MMRN1: variants seen among roughly 807,000 people sequenced by gnomAD.
MMRN1 encodes the protein multimerin-1.
In MMRN1, 94 loss-of-function variants were observed where a neutral mutation model predicts 100.7. The ratio of observed to expected loss-of-function variants is 0.93; its 90% CI spans 0.79 to 1.11. MMRN1 has a LOEUF of 1.11. MMRN1 is among the 50% of genes least tolerant of loss of function. The pLI is 0.00. For synonymous variants in MMRN1, 575 were observed against 505.0 expected (o/e 1.14, Z -1.86); for missense variants, 1,606 against 1,439.1 (o/e 1.12, Z -1.88).
chr4:89,923,164 C>G lies in MMRN1; in HGVS notation c.851-4C>G. The G allele has an allele frequency of 6.2e-7, 1 of 1,612,700 alleles. No homozygotes were observed. Among genetic ancestry groups the G allele is most frequent in the Non-Finnish European group, 8.5e-7 (1 of 1,178,866 alleles). ...GTCTCTCTTCTCTTTCTGCTTCCTT[C>G]TAGCCCAGGAACAGCAAAGTTTGAT... On this transcript the variant is annotated splice_region_variant and splice_polypyrimidine_tract_variant and intron_variant, in intron 3 of 7. Transcript: ENST00000264790.
intron 6 of MMRN1, among the ~76,000 whole-genome samples, chr4:89,945,319 GT>G (rs1722955297): frequency 1.3e-5 from 2 of 152,068 alleles, no homozygotes; most frequent in South Asian, 4.1e-4. Context: ...TCACATACAG[GT>G]TTTTGTATGA....
intron 6 of MMRN1, among the ~76,000 whole-genome samples, chr4:89,946,590 G>A (rs1433773240): frequency 1.1e-4 from 16 of 152,134 alleles, no homozygotes; most frequent in Non-Finnish European, 1.5e-5. Flanking sequence ...GGAAAGTTGA[G>A]TGAATAGAGC....
At chr4:89,891,975 T>A (rs1721065492), upstream of MMRN1, among the ~76,000 whole-genome samples, 1 of 151,786 alleles carries the variant, frequency 6.6e-6, no homozygotes, top group Non-Finnish European at 1.5e-5. Context: ...AACTCCTCAA[T>A]CTAAGATTCT....
chr4:89,934,823 A>T lies in MMRN1; in HGVS notation c.1143A>T (p.Lys381Asn). The change falls in exon 6 of 8, where the codon AAA (lysine) becomes AAT (asparagine). Residue 381 changes from lysine (K) to asparagine (N), a missense_variant. By Grantham distance (94) the Lys-to-Asn change is moderately conservative (BLOSUM62 0). Transcript: ENST00000264790. ...FQSLLKGLKS[K>N]SINVLIRDIV... The stretch of plus-strand genomic sequence containing the variant: ...TTCTTTCTCTAGGTCTAAAATCCAA[A>T]AGCATTAATGTACTGATAAGAGACA... 1.4e-6 allele frequency: 2 copies of T among 1,480,906 alleles called. No homozygotes were observed. The highest frequency in any genetic ancestry group is 1.8e-6 in the Non-Finnish European group (2 of 1,110,500). The allele number at this position is 1,480,906 out of a possible 1,614,324, so 91.7% of individuals were successfully genotyped here.
intron 6 of MMRN1, among the ~76,000 whole-genome samples, chr4:89,951,186 T>A (rs1723160424): frequency 6.6e-6 from 1 of 152,182 alleles, no homozygotes; most frequent in South Asian, 2.1e-4. Flanking sequence ...TTTTTGTATA[T>A]GTGGAATTTA....
At chr4:89,926,251 A>AT (rs1221184995) in intron 4 of MMRN1, among the ~76,000 whole-genome samples, 1 of 152,144 alleles carries the variant, frequency 6.6e-6, no homozygotes, top group African/African-American at 2.4e-5. Context: ...CCAACAGGGT[A>AT]TGGGGGGGTT....
At chr4:89,929,895 G>A (rs997429624) in intron 5 of MMRN1, among the ~76,000 whole-genome samples, 1 of 152,156 alleles carries the variant, frequency 6.6e-6, no homozygotes, top group African/African-American at 2.4e-5. Flanking sequence ...TAATCTGACA[G>A]TAGCCATAGA....
At chr4:89,919,035 G>A (rs1264668989) in intron 3 of MMRN1, among the ~76,000 whole-genome samples, 1 of 151,432 alleles carries the variant, frequency 6.6e-6, no homozygotes, top group Non-Finnish European at 1.5e-5. Context: ...TGACTTTTAA[G>A]TTTTCTAAGA....
chr4:89,939,015 G>A (rs1230954775), intron 6 of MMRN1, among the ~76,000 whole-genome samples: 1 of 151,932 alleles, frequency 6.6e-6, no homozygotes, highest in African/African-American at 2.4e-5. Flanking sequence ...TACTTCCATG[G>A]GCCATAGAAC....
intron 1 of MMRN1, among the ~76,000 whole-genome samples, chr4:89,907,964 G>T (rs1721623720): frequency 6.6e-6 from 1 of 150,516 alleles, no homozygotes. Context: ...GGATTTTGTT[G>T]TTTGCAAGCA....
At chr4:89,948,597 C>T (rs1679764915) in intron 6 of MMRN1, among the ~76,000 whole-genome samples, 1 of 152,162 alleles carries the variant, frequency 6.6e-6, no homozygotes, top group South Asian at 2.1e-4. Flanking sequence ...GTTATCTTGA[C>T]AGAAGTGTAA....
rs114174603 is a variant in MMRN1, at chr4:89,940,956, T to C, written c.3118+4158T>C. Among the ~76,000 whole-genome samples the C allele has an allele frequency of 3.1e-3, 467 of 152,248 alleles. 3 individuals carry two copies. The highest frequency in any genetic ancestry group is 0.011 in the African/African-American group (456 of 41,572). On this transcript the variant is annotated intron_variant, in intron 6 of 7. Coordinates refer to ENST00000264790, the MANE Select transcript of MMRN1 (RefSeq NM_007351.3). Reference sequence around the variant, plus strand: ...CTTATAACTTAGCTTATGGTCATCATGCAATGATAAATCAAAAAGAATAGG... The same window carrying C: ...CTTATAACTTAGCTTATGGTCATCACGCAATGATAAATCAAAAAGAATAGG...
At chr4:89,931,832 T>C (rs1484921541) in intron 5 of MMRN1, among the ~76,000 whole-genome samples, 1 of 152,156 alleles carries the variant, frequency 6.6e-6, no homozygotes. Flanking sequence ...ATGGGTATTA[T>C]GGAAGCTACA....
intron 4 of MMRN1, among the ~76,000 whole-genome samples, chr4:89,924,498 A>G (rs984628341): frequency 1.3e-5 from 2 of 151,764 alleles, no homozygotes; most frequent in Admixed American, 6.6e-5. Flanking sequence ...CAAACCTATC[A>G]TGAAATTTAA....
chr4:89,926,973 C>T (rs1030362313), intron 4 of MMRN1, among the ~76,000 whole-genome samples: 2 of 151,976 alleles, frequency 1.3e-5, no homozygotes, highest in East Asian at 1.9e-4. Flanking sequence ...TATTCTATTC[C>T]ATTGGTGTAT....
In MMRN1 at chr4:89,935,911, A is replaced by G. The variant is rs750151625; in HGVS notation, c.2231A>G (p.Asp744Gly). The G allele has an allele frequency of 5.0e-6, 8 of 1,609,328 alleles. No homozygotes were observed. The highest frequency in any genetic ancestry group is 6.8e-6 in the Non-Finnish European group (8 of 1,177,908). Residue 744 changes from aspartate to glycine, a missense_variant, in exon 6 of 8, where the codon GAT (aspartate) becomes GGT (glycine). By Grantham distance (94) the Asp-to-Gly change is moderately conservative (BLOSUM62 -1). Coordinates refer to ENST00000264790, the MANE Select transcript of MMRN1 (RefSeq NM_007351.3). Reference protein sequence around the residue: ...IINNAIDFIQDNYALKETLST... With the variant: ...IINNAIDFIQGNYALKETLST... ...AATAATGCTATTGATTTCATTCAAG[A>G]TAACTATGCCCTAAAAGAGACTTTA...
intron 3 of MMRN1, among the ~76,000 whole-genome samples, chr4:89,912,500 T>C (rs2110599620): frequency 6.6e-6 from 1 of 151,326 alleles, no homozygotes; most frequent in East Asian, 1.9e-4. Flanking sequence ...ATACAAGGTA[T>C]GTCATGAATA....
In MMRN1 at chr4:89,912,047, A is replaced by C; in HGVS notation, c.847A>C (p.Arg283=). 1 of 1,572,948 alleles carries C rather than the reference A, an allele frequency of 6.4e-7. No individual in the cohort carries two copies. The highest frequency in any genetic ancestry group is 8.7e-7 in the Non-Finnish European group (1 of 1,150,864). The change falls in exon 3 of 8, where the codon AGA becomes CGA. Residue 283 remains arginine (R), a synonymous_variant. Transcript: ENST00000264790. Reference sequence around the variant, plus strand: ...ATACAGTGGGCCGAAATGTCAACTAAGAGGTACACTCTAATATTAATAATC... The same window carrying C: ...ATACAGTGGGCCGAAATGTCAACTACGAGGTACACTCTAATATTAATAATC... ...PGYSGPKCQL[R]AQEQQSLIHT...
chr4:89,915,987 A>G (rs1277600387), intron 3 of MMRN1, among the ~76,000 whole-genome samples: 1 of 151,642 alleles, frequency 6.6e-6, no homozygotes, highest in Non-Finnish European at 1.5e-5. Context: ...TAGAGAATAC[A>G]TTTGGGGAGA....
Sources: gnomAD v4.1 joint callset for allele counts (sites outside exome capture counted in the v4.1 genomes callset) on GRCh38, gnomAD v4.1.1 for gene constraint, MANE v1.5 for transcripts, NCBI Gene and HGNC (gene_info 2026-07-23, HGNC 2026-07-21) for gene names.